The following KCNK2 variants were observed in gnomAD, a reference collection of about 807,000 sequenced individuals.
KCNK2 encodes the protein potassium two pore domain channel subfamily K member 2, also known as potassium channel subfamily K member 2.
Under a neutral mutation model 40.5 loss-of-function variants are expected in KCNK2, and 21 were observed. The observed-to-expected ratio is 0.52, with a 90% CI of 0.37 to 0.75. The LOEUF is 0.75. Among genes scored for constraint, KCNK2 ranks in the 30% least tolerant of loss-of-function variants. The pLI, the probability that KCNK2 is intolerant of heterozygous loss-of-function variation, is 0.00. For synonymous variants in KCNK2, 191 were observed against 202.2 expected (o/e 0.94, Z 0.47); for missense variants, 399 against 531.6 (o/e 0.75, Z 2.45).
intron 2 of KCNK2, among the ~76,000 whole-genome samples, chr1:215,111,836 TAAAG>T (rs1203175663): frequency 6.6e-6 from 1 of 151,146 alleles, no homozygotes; most frequent in African/African-American, 2.5e-5. Context: ...GCATGTGAAA[TAAAG>T]AGTCACCTCT....
At chr1:215,232,676 T>C (rs1442597840) in intron 6 of KCNK2, among the ~76,000 whole-genome samples, 1 of 152,180 alleles carries the variant, frequency 6.6e-6, no homozygotes, top group Non-Finnish European at 1.5e-5. Flanking sequence ...CAAAGCCTAT[T>C]ACTTTTATAT....
At chr1:215,056,499 CA>C (rs376076606) in intron 1 of KCNK2, among the ~76,000 whole-genome samples, 1,415 of 55,204 alleles carry the variant, frequency 0.026, 9 homozygotes, top group African/African-American at 0.11. Context: ...GACTCAGTCT[CA>C]AAAAAAAAAA....
chr1:215,225,300 A>G (rs1172946519), intron 6 of KCNK2, among the ~76,000 whole-genome samples: 10 of 152,206 alleles, frequency 6.6e-5, no homozygotes, highest in Admixed American at 5.9e-4. Flanking sequence ...TCTGTAGCTG[A>G]CAGGCTTCTC....
At chr1:215,063,132 G>A (rs898803240) in intron 1 of KCNK2, among the ~76,000 whole-genome samples, 1 of 151,978 alleles carries the variant, frequency 6.6e-6, no homozygotes, top group South Asian at 2.1e-4. Context: ...AGAGTGGTCT[G>A]TTTGTGGGAA....
intron 1 of KCNK2, among the ~76,000 whole-genome samples, chr1:215,018,325 T>C (rs1026262404): frequency 1.3e-5 from 2 of 152,102 alleles, no homozygotes; most frequent in African/African-American, 4.8e-5. Flanking sequence ...TCAAGAAATG[T>C]AGAATATCAG....
At chr1:215,210,741 G>A (rs1425906971) in intron 6 of KCNK2, among the ~76,000 whole-genome samples, 1 of 152,070 alleles carries the variant, frequency 6.6e-6, no homozygotes, top group African/African-American at 2.4e-5. Context: ...GGTAGATACG[G>A]TAATAGAGAT....
chr1:215,165,466 C>T (rs767209765), intron 3 of KCNK2, among the ~76,000 whole-genome samples: 12 of 152,114 alleles, frequency 7.9e-5, no homozygotes, highest in Non-Finnish European at 1.3e-4. Flanking sequence ...ACTGCATTAA[C>T]CTGGCTATTA....
rs201563995 is a variant in KCNK2 at position 215,156,528 on chromosome 1, GA to G, written c.476-12666del. On this transcript the variant is annotated intron_variant, in intron 3 of 6. Transcript: ENST00000444842. The stretch of plus-strand genomic sequence containing the variant: ...TGGTAAATGTTAGCTGGCTGATGGG[GA>G]AAAAGATCTAAATTACAGAGCTTGC... Among the ~76,000 whole-genome samples, 1,461 of 152,278 alleles carry G rather than the reference GA, an allele frequency of 9.6e-3. 22 individuals are homozygous for G. Among genetic ancestry groups the G allele is most frequent in the South Asian group, 0.06 (292 of 4,828 alleles).
At chr1:215,213,543 A>G (rs946530105) in intron 6 of KCNK2, among the ~76,000 whole-genome samples, 2 of 152,174 alleles carry the variant, frequency 1.3e-5, no homozygotes, top group Non-Finnish European at 2.9e-5. Context: ...CCCGGGAGGC[A>G]GAGGTTGCAG....
chr1:215,196,604 T>C (rs1664876454), intron 6 of KCNK2, among the ~76,000 whole-genome samples: 1 of 152,188 alleles, frequency 6.6e-6, no homozygotes, highest in South Asian at 2.1e-4. Flanking sequence ...TAATTTAAAC[T>C]GTATGAAAAG....
chr1:215,223,852 C>T (rs1282734563), intron 6 of KCNK2, among the ~76,000 whole-genome samples: 1 of 151,734 alleles, frequency 6.6e-6, no homozygotes, highest in Non-Finnish European at 1.5e-5. Context: ...TTTCAAAGCT[C>T]ACAGGTAGTT....
intron 1 of KCNK2, among the ~76,000 whole-genome samples, chr1:215,007,226 TA>T (rs1656212981): frequency 1.9e-5 from 2 of 103,172 alleles, no homozygotes; most frequent in Non-Finnish European, 3.9e-5. Flanking sequence ...TATATATATA[TA>T]GGCTCATTTC....
chr1:215,058,340 T>C (rs764147794), intron 1 of KCNK2, among the ~76,000 whole-genome samples: 1 of 152,202 alleles, frequency 6.6e-6, no homozygotes, highest in Non-Finnish European at 1.5e-5. Flanking sequence ...TGAGAGTTAA[T>C]TGAAGACAGA....
chr1:215,183,514 G>T (rs887450073), intron 5 of KCNK2, among the ~76,000 whole-genome samples: 4 of 151,984 alleles, frequency 2.6e-5, no homozygotes, highest in African/African-American at 9.7e-5. Flanking sequence ...CTTTATTGTT[G>T]TATCTGTAAG....
chr1:215,040,311 T>G (rs1657521935), intron 1 of KCNK2, among the ~76,000 whole-genome samples: 1 of 152,176 alleles, frequency 6.6e-6, no homozygotes, highest in Non-Finnish European at 1.5e-5. Flanking sequence ...ATACTATTGT[T>G]TCCACTTTAC....
chr1:215,104,772 G>C (rs1660365871), intron 2 of KCNK2, among the ~76,000 whole-genome samples: 1 of 151,996 alleles, frequency 6.6e-6, no homozygotes, highest in African/African-American at 2.4e-5. Flanking sequence ...ATTTTGTATG[G>C]TAAATGAATG....
At chr1:215,165,794 A>C (rs6672978) in intron 3 of KCNK2, among the ~76,000 whole-genome samples, 1 of 151,540 alleles carries the variant, frequency 6.6e-6, no homozygotes, top group African/African-American at 2.4e-5. Flanking sequence ...TCTTTCAATC[A>C]GTTAATTTTA....
At chr1:215,088,271 G>A (rs575649356) in intron 2 of KCNK2, among the ~76,000 whole-genome samples, 2 of 152,218 alleles carry the variant, frequency 1.3e-5, no homozygotes, top group African/African-American at 4.8e-5. Context: ...CTTCAACTTT[G>A]AGAGCAGGCA....
At chr1:215,214,242 C>T (rs1430129826) in intron 6 of KCNK2, among the ~76,000 whole-genome samples, 1 of 152,098 alleles carries the variant, frequency 6.6e-6, no homozygotes, top group Non-Finnish European at 1.5e-5. Flanking sequence ...TAAGGAGAGG[C>T]AGGCATGATT....
Sources: gnomAD v4.1 joint callset for allele counts (sites outside exome capture counted in the v4.1 genomes callset) on GRCh38, gnomAD v4.1.1 for gene constraint, MANE v1.5 for transcripts, NCBI Gene and HGNC (gene_info 2026-07-23, HGNC 2026-07-21) for gene names.